Variants in SGPP1 observed in about 807,000 individuals in gnomAD.
SGPP1 encodes the protein hSPP1.
Under a neutral mutation model 33.0 loss-of-function variants are expected in SGPP1, and 21 were observed. The ratio of observed to expected loss-of-function variants is 0.64; its 90% CI spans 0.45 to 0.92. SGPP1 has a LOEUF of 0.92. Ranked by LOEUF, SGPP1 falls within the 40% of genes least tolerant of loss-of-function variation. The pLI is 0.00. For missense variants in SGPP1, 543 were observed against 589.4 expected, an observed-to-expected ratio of 0.92 and a Z score of 0.81; for synonymous variants, 239 against 241.2, an observed-to-expected ratio of 0.99 and a Z score of 0.08.
At chr14:63,717,158 TAG>T in intron 1 of SGPP1, among the ~76,000 whole-genome samples, 1 of 150,722 alleles carries the variant, frequency 6.6e-6, no homozygotes, top group East Asian at 1.9e-4. Context: ...ACCAGAAAAT[TAG>T]AGATTGCAAA....
At position 63,685,756 on chromosome 14, in the gene SGPP1, C is replaced by T. The variant is rs1884957886; in HGVS notation, c.*349G>A. On this transcript the variant is annotated 3_prime_UTR_variant, in exon 3 of 3. Transcript: ENST00000247225. ...AATACACTCCCATAGTTTAAAAAAACACTTAGGTATATTATTTTATATATA... is the reference window on the plus strand; with the variant it reads ...AATACACTCCCATAGTTTAAAAAAATACTTAGGTATATTATTTTATATATA... 1 of 149,142 alleles carries T rather than the reference C, an allele frequency of 6.7e-6. No homozygotes were observed. Among genetic ancestry groups the T allele is most frequent in the South Asian group, 2.1e-4 (1 of 4,792 alleles). The allele number at this position is 149,142 out of a possible 1,614,324, so 9.2% of individuals were successfully genotyped here. A position where few individuals can be genotyped will look rare whatever the true frequency, so the allele number is the denominator to read the frequency against.
intron 1 of SGPP1, among the ~76,000 whole-genome samples, chr14:63,723,375 A>G (rs770828687): frequency 3.2e-4 from 48 of 152,180 alleles, no homozygotes; most frequent in Non-Finnish European, 4.4e-4. Flanking sequence ...CTCTTTAAGT[A>G]ATTACTTGGA....
chr14:63,714,092 A>C (rs1203557428), intron 1 of SGPP1, among the ~76,000 whole-genome samples: 1 of 152,220 alleles, frequency 6.6e-6, no homozygotes, highest in African/African-American at 2.4e-5. Flanking sequence ...ACATACTTAC[A>C]CCAGCAACCA....
chr14:63,724,848 C>T (rs535716235), intron 1 of SGPP1, among the ~76,000 whole-genome samples: 1 of 150,642 alleles, frequency 6.6e-6, no homozygotes, highest in African/African-American at 2.4e-5. Flanking sequence ...CGCCACAGCA[C>T]TCCAGCCTGG....
At chr14:63,719,537 T>C (rs1224577535) in intron 1 of SGPP1, among the ~76,000 whole-genome samples, 3 of 151,954 alleles carry the variant, frequency 2.0e-5, no homozygotes, top group African/African-American at 7.2e-5. Flanking sequence ...CACTGTGTCA[T>C]TACACTAGCA....
chr14:63,719,523 C>T (rs1372608999), intron 1 of SGPP1, among the ~76,000 whole-genome samples: 3 of 151,818 alleles, frequency 2.0e-5, no homozygotes, highest in African/African-American at 7.3e-5. Context: ...TTCCAGTAAA[C>T]AGTCACTGTG....
intron 2 of SGPP1, among the ~76,000 whole-genome samples, chr14:63,695,838 G>C (rs556986166): frequency 6.6e-6 from 1 of 152,174 alleles, no homozygotes; most frequent in Admixed American, 6.5e-5. Flanking sequence ...TTGGGCCCAG[G>C]AGTTTGAGAT....
intron 1 of SGPP1, among the ~76,000 whole-genome samples, chr14:63,719,190 C>T (rs576407337): frequency 6.7e-6 from 1 of 150,336 alleles, no homozygotes; most frequent in South Asian, 2.1e-4. Context: ...CCACACCCGG[C>T]TAATTTTTGT....
intron 1 of SGPP1, among the ~76,000 whole-genome samples, chr14:63,717,188 T>G (rs183173200): frequency 3.3e-5 from 5 of 150,012 alleles, no homozygotes; most frequent in African/African-American, 7.4e-5. Context: ...GTAAGTGAAC[T>G]TAAAGCCATA....
Position 63,727,967 on chromosome 14 carries a change from C to T in SGPP1, c.-23G>A. The T allele has an allele frequency of 1.3e-6, 2 of 1,533,966 alleles. No individual in the cohort carries two copies. Among genetic ancestry groups the T allele is most frequent in the Non-Finnish European group, 1.7e-6 (2 of 1,149,620 alleles). On this transcript the variant is annotated 5_prime_UTR_variant, in exon 1 of 3. Transcript: ENST00000247225. ...CATGATAACGGAACCCCCGGGAAGGCGGGCCGGCCTCCGGCGCAGCCCCGA... is the reference window on the plus strand; with the variant it reads ...CATGATAACGGAACCCCCGGGAAGGTGGGCCGGCCTCCGGCGCAGCCCCGA...
chr14:63,727,540 G>A lies in SGPP1; in HGVS notation c.405C>T (p.Gly135=), dbSNP rs139371509. ...NWPLYCLFCF[G]TELGNELFYI... Reference sequence around the variant, plus strand: ...AGAAGAGTTCGTTGCCCAGCTCCGTGCCGAAGCAGAACAGGCAGTAGAGCG... The same window carrying A: ...AGAAGAGTTCGTTGCCCAGCTCCGTACCGAAGCAGAACAGGCAGTAGAGCG... The change falls in exon 1 of 3, where the codon GGC becomes GGT. Residue 135 remains glycine (G), a synonymous_variant. Transcript: ENST00000247225. 5.7e-4 allele frequency: 926 copies of A among 1,613,798 alleles called. No homozygotes were observed. Among genetic ancestry groups the A allele is most frequent in the Admixed American group, 7.7e-4 (46 of 60,016 alleles).
In SGPP1 at chr14:63,728,037, G is replaced by A. The variant is rs1001382846; in HGVS notation, c.-93C>T. The A allele has an allele frequency of 7.6e-5, 100 of 1,312,100 alleles. No homozygotes were observed. Among genetic ancestry groups the A allele is most frequent in the East Asian group, 3.4e-4 (11 of 31,888 alleles). 81.3% of individuals were successfully genotyped at this position (1,312,100 alleles called of 1,614,324 possible). Reference sequence around the variant, plus strand: ...CCAGCGGCAGCGGAACCGGCACAGCGCTCTACCCTCCGGAGTCTGCCGGGT... The same window carrying A: ...CCAGCGGCAGCGGAACCGGCACAGCACTCTACCCTCCGGAGTCTGCCGGGT... On this transcript the variant is annotated 5_prime_UTR_variant, in exon 1 of 3. Transcript: ENST00000247225.
rs147082083 is a variant in SGPP1, at chr14:63,686,237, C to T, written c.1194G>A (p.Pro398=). The part of the protein sequence containing the change: ...IPLACKIFNI[P]CDDIRKARQH... ...GTCTTGCTTTTCGAATATCATCACACGGTATATTGAAGATTTTGCAGGCTA... is the reference window on the plus strand; with the variant it reads ...GTCTTGCTTTTCGAATATCATCACATGGTATATTGAAGATTTTGCAGGCTA... The change falls in exon 3 of 3, where the codon CCG becomes CCA. Residue 398 remains proline (P), a synonymous_variant. Coordinates refer to ENST00000247225, the MANE Select transcript of SGPP1 (RefSeq NM_030791.4). 6.2e-6 allele frequency: 10 copies of T among 1,613,936 alleles called. No homozygotes were observed. The African/African-American group carries it at 8.0e-5, about 13-fold the overall frequency.
chr14:63,719,631 A>C lies in SGPP1; in HGVS notation c.684+7630T>G, dbSNP rs112789449. Reference sequence around the variant, plus strand: ...ATAAATAAATGTATAGAAATAGTCAACTTATTAAATTATGTCATATTAATA... The same window carrying C: ...ATAAATAAATGTATAGAAATAGTCACCTTATTAAATTATGTCATATTAATA... On this transcript the variant is annotated intron_variant, in intron 1 of 2. Coordinates refer to ENST00000247225, the MANE Select transcript of SGPP1 (RefSeq NM_030791.4). Among the ~76,000 whole-genome samples the C allele has an allele frequency of 8.0e-3, 1,223 of 152,220 alleles. 11 individuals carry two copies. The highest frequency in any genetic ancestry group is 0.028 in the African/African-American group (1,143 of 41,548).
intron 1 of SGPP1, among the ~76,000 whole-genome samples, chr14:63,713,711 A>G (rs1335182878): frequency 6.6e-6 from 1 of 152,132 alleles, no homozygotes; most frequent in Non-Finnish European, 1.5e-5. Flanking sequence ...TAGGTGAAGT[A>G]TTTTCTTGCT....
Position 63,728,016 on chromosome 14 carries a change from C to CG in SGPP1, c.-73dup. On this transcript the variant is annotated 5_prime_UTR_variant, in exon 1 of 3. Coordinates refer to ENST00000247225, the MANE Select transcript of SGPP1 (RefSeq NM_030791.4). ...GAACTGTCCCCGCGCTCCTGGCCAG[C>CG]GGCAGCGGAACCGGCACAGCGCTCT... The CG allele has an allele frequency of 7.0e-7, 1 of 1,422,644 alleles. No homozygotes were observed. Among genetic ancestry groups the CG allele is most frequent in the Non-Finnish European group, 9.2e-7 (1 of 1,091,318 alleles). The allele number at this position is 1,422,644 out of a possible 1,614,324, so 88.1% of individuals were successfully genotyped here. A position where few individuals can be genotyped will look rare whatever the true frequency, so the allele number is the denominator to read the frequency against.
intron 2 of SGPP1, among the ~76,000 whole-genome samples, chr14:63,695,829 T>G (rs1326419217): frequency 4.6e-5 from 7 of 152,172 alleles, no homozygotes; most frequent in African/African-American, 1.7e-4. Flanking sequence ...GAGGATCACT[T>G]GGGCCCAGGA....
intron 1 of SGPP1, among the ~76,000 whole-genome samples, chr14:63,709,929 T>C (rs1003961518): frequency 6.6e-6 from 1 of 152,232 alleles, no homozygotes; most frequent in Non-Finnish European, 1.5e-5. Flanking sequence ...TTATTTTGCA[T>C]ATTTTGGCAT....
intron 2 of SGPP1, among the ~76,000 whole-genome samples, chr14:63,691,518 C>T (rs1027125988): frequency 2.0e-5 from 3 of 152,168 alleles, no homozygotes; most frequent in Non-Finnish European, 2.9e-5. Flanking sequence ...GAAATTTTCT[C>T]TTCTTTGATT....
Sources: gnomAD v4.1 joint callset for allele counts (sites outside exome capture counted in the v4.1 genomes callset) on GRCh38, gnomAD v4.1.1 for gene constraint, MANE v1.5 for transcripts, NCBI Gene and HGNC (gene_info 2026-07-23, HGNC 2026-07-21) for gene names.